The following GRM5 variants were observed in gnomAD, a reference collection of about 807,000 sequenced individuals.
GRM5 encodes glutamate metabotropic receptor 5.
Under a neutral mutation model 83.1 loss-of-function variants are expected in GRM5, and 19 were observed. The observed-to-expected ratio is 0.23, with a 90% CI of 0.16 to 0.34. GRM5 has a LOEUF of 0.34. Ranked by LOEUF, GRM5 falls within the 10% of genes least tolerant of loss-of-function variation. GRM5 has a pLI of 1.00. For missense variants in GRM5, 1,160 were observed against 1,588.3 expected (o/e 0.73, Z 4.58); for synonymous variants, 675 against 633.6 (o/e 1.07, Z -0.98).
intron 8 of GRM5, among the ~76,000 whole-genome samples, chr11:88,554,562 T>G (rs774889089): frequency 7.9e-5 from 12 of 152,208 alleles, no homozygotes; most frequent in Non-Finnish European, 1.6e-4. Flanking sequence ...GCTTTTGTTT[T>G]TACAGCAATT....
intron 3 of GRM5, among the ~76,000 whole-genome samples, chr11:88,810,949 CAG>C (rs1405132359): frequency 2.0e-5 from 3 of 152,212 alleles, no homozygotes; most frequent in East Asian, 1.9e-4. Flanking sequence ...AACAAGTTAA[CAG>C]AGTTTATTCA....
chr11:88,682,933 A>G (rs947604432), intron 3 of GRM5, among the ~76,000 whole-genome samples: 2 of 150,098 alleles, frequency 1.3e-5, no homozygotes, highest in Non-Finnish European at 1.5e-5. Context: ...TAAACGGAAT[A>G]GTTTTTTTTT....
At chr11:88,987,201 T>G (rs1023386234) in intron 2 of GRM5, among the ~76,000 whole-genome samples, 1 of 151,910 alleles carries the variant, frequency 6.6e-6, no homozygotes, top group Admixed American at 6.6e-5. Context: ...ACTCGGGAAG[T>G]GCAAGGGGTC....
At chr11:88,650,376 C>T (rs757019378) in intron 4 of GRM5, among the ~76,000 whole-genome samples, 12 of 151,762 alleles carry the variant, frequency 7.9e-5, no homozygotes, top group Non-Finnish European at 1.5e-4. Flanking sequence ...ATAATAAACT[C>T]AAAGAAATGT....
Position 88,735,141 on chromosome 11 carries a change from GA to G in GRM5, c.912-81739del, listed in dbSNP as rs550846589. Among the ~76,000 whole-genome samples the G allele has an allele frequency of 2.1e-4, 32 of 152,002 alleles. No homozygotes were observed. The South Asian group carries it at 5.0e-3, about 24-fold the overall frequency. On this transcript the variant is annotated intron_variant, in intron 3 of 9. Transcript: ENST00000305447. ...ATAAAATCATCTTATATAACTCGAA[GA>G]AATACATTGTTTAGTTTTATTTTTT...
At chr11:88,717,070 C>A (rs991888018) in intron 3 of GRM5, among the ~76,000 whole-genome samples, 2 of 151,970 alleles carry the variant, frequency 1.3e-5, no homozygotes, top group Admixed American at 6.6e-5. Context: ...TATGTCTATA[C>A]CTTATTAGCA....
intron 7 of GRM5, among the ~76,000 whole-genome samples, chr11:88,579,927 A>T (rs1431736796): frequency 1.3e-5 from 2 of 152,224 alleles, no homozygotes; most frequent in Admixed American, 1.3e-4. Flanking sequence ...GGTTATTTTC[A>T]GAAGAAAGAT....
At chr11:88,827,994 G>C (rs1370134547) in intron 3 of GRM5, among the ~76,000 whole-genome samples, 1 of 152,130 alleles carries the variant, frequency 6.6e-6, no homozygotes, top group East Asian at 1.9e-4. Flanking sequence ...TCAGTGAGAA[G>C]GTAACATCTG....
At chr11:88,978,499 A>T (rs1192618756) in intron 2 of GRM5, among the ~76,000 whole-genome samples, 1 of 42,490 alleles carries the variant, frequency 2.4e-5, no homozygotes, top group Non-Finnish European at 6.1e-5. Flanking sequence ...AAAAAAAAAA[A>T]AAAAAAAAAA....
chr11:88,647,968 C>T (rs1240713908), intron 4 of GRM5, among the ~76,000 whole-genome samples: 1 of 149,866 alleles, frequency 6.7e-6, no homozygotes, highest in African/African-American at 2.4e-5. Context: ...CATCTCACAC[C>T]AGTTAGAATG....
At chr11:88,838,915 A>T (rs1944142783) in intron 3 of GRM5, among the ~76,000 whole-genome samples, 1 of 151,752 alleles carries the variant, frequency 6.6e-6, no homozygotes, top group African/African-American at 2.4e-5. Context: ...ATACACACAC[A>T]AACTTCCTTC....
At chr11:88,655,004 C>T (rs1261622433) in intron 3 of GRM5, among the ~76,000 whole-genome samples, 2 of 151,908 alleles carry the variant, frequency 1.3e-5, no homozygotes, top group African/African-American at 4.8e-5. Flanking sequence ...GAGATATTAG[C>T]TAGGGCATCA....
chr11:88,720,829 T>C (rs898321130), intron 3 of GRM5, among the ~76,000 whole-genome samples: 5 of 151,108 alleles, frequency 3.3e-5, no homozygotes, highest in South Asian at 4.2e-4. Flanking sequence ...TGCGTGTGTG[T>C]GTGTGTGTGT....
rs1017012508 is a variant in GRM5 at position 88,506,780 on chromosome 11, A to C, written c.*1812T>G. The C allele has an allele frequency of 6.6e-5, 10 of 152,182 alleles. No individual in the cohort carries two copies. Among genetic ancestry groups the C allele is most frequent in the African/African-American group, 2.4e-4 (10 of 41,432 alleles). The allele number at this position is 152,182 out of a possible 1,614,324, so 9.4% of individuals were successfully genotyped here. A position where few individuals can be genotyped will look rare whatever the true frequency, so the allele number is the denominator to read the frequency against. ...GAATTTTTTAAAGTGAAGAATGATA[A>C]ATTATGCCAATGGACTGACTTCTAT... On this transcript the variant is annotated 3_prime_UTR_variant, in exon 10 of 10. Transcript: ENST00000305447.
intron 2 of GRM5, among the ~76,000 whole-genome samples, chr11:88,949,679 C>A (rs1192962871): frequency 8.6e-5 from 13 of 152,018 alleles, no homozygotes; most frequent in African/African-American, 2.9e-4. Context: ...GTAAGGAAAT[C>A]TTTGAAATAT....
intron 6 of GRM5, among the ~76,000 whole-genome samples, chr11:88,591,576 A>T (rs989938883): frequency 2.6e-5 from 4 of 152,240 alleles, no homozygotes; most frequent in Admixed American, 6.5e-5. Flanking sequence ...AATATTCAGC[A>T]ATGACCAGAG....
intron 7 of GRM5, among the ~76,000 whole-genome samples, chr11:88,570,638 G>A (rs1325446496): frequency 7.4e-6 from 1 of 134,744 alleles, no homozygotes; most frequent in Non-Finnish European, 1.5e-5. Context: ...AGAGTGCAGT[G>A]GTGTGATCTT....
At chr11:88,552,333 A>T (rs1043963642) in intron 8 of GRM5, among the ~76,000 whole-genome samples, 1 of 152,136 alleles carries the variant, frequency 6.6e-6, no homozygotes, top group Non-Finnish European at 1.5e-5. Context: ...GGACTGTTAT[A>T]TCATTTTTAT....
chr11:88,800,464 C>T (rs1903841), intron 3 of GRM5, among the ~76,000 whole-genome samples: 66,050 of 151,744 alleles, frequency 0.44, 17,084 homozygotes, highest in African/African-American at 0.7. Flanking sequence ...AAAATTTTTG[C>T]TTATCTATTT....
Sources: gnomAD v4.1 joint callset for allele counts (sites outside exome capture counted in the v4.1 genomes callset) on GRCh38, gnomAD v4.1.1 for gene constraint, MANE v1.5 for transcripts, NCBI Gene and HGNC (gene_info 2026-07-23, HGNC 2026-07-21) for gene names.